The following DLG2 variants were observed in gnomAD, a reference collection of about 807,000 sequenced individuals.
DLG2 encodes discs large MAGUK scaffold protein 2.
DLG2 carries 45 observed loss-of-function variants against 132.5 expected under a neutral mutation model. That is an observed-to-expected ratio of 0.34 (90% CI 0.27 to 0.44). The LOEUF is 0.44. Among genes scored for constraint, DLG2 ranks in the 20% least tolerant of loss-of-function variants. The probability of loss-of-function intolerance (pLI) is 1.00; values close to 1 mark genes in which losing one functional copy is unlikely to be tolerated. For missense variants in DLG2, 1,045 were observed against 1,196.9 expected (o/e 0.87, Z 1.87); for synonymous variants, 424 against 419.6 (o/e 1.01, Z -0.13).
At chr11:84,074,630 G>A (rs575210998) in intron 10 of DLG2, among the ~76,000 whole-genome samples, 2 of 150,892 alleles carry the variant, frequency 1.3e-5, no homozygotes, top group African/African-American at 2.4e-5. Flanking sequence ...CCGGGTTCAC[G>A]CCATTCTCCT....
intron 7 of DLG2, among the ~76,000 whole-genome samples, chr11:84,529,621 A>C (rs2099330442): frequency 6.6e-6 from 1 of 152,220 alleles, no homozygotes; most frequent in Non-Finnish European, 1.5e-5. Flanking sequence ...GGATGACAAA[A>C]AAATTGCTCA....
chr11:84,500,163 C>A (rs374230152), intron 7 of DLG2, among the ~76,000 whole-genome samples: 1 of 151,782 alleles, frequency 6.6e-6, no homozygotes. Flanking sequence ...TATGATAGAG[C>A]GAGTTGGAAA....
At chr11:84,247,155 T>C (rs2097312695) in intron 8 of DLG2, among the ~76,000 whole-genome samples, 1 of 152,186 alleles carries the variant, frequency 6.6e-6, no homozygotes, top group South Asian at 2.1e-4. Context: ...AAAAGCATTC[T>C]AGAATCTCTC....
chr11:84,273,766 C>A (rs2097759559), intron 7 of DLG2, among the ~76,000 whole-genome samples: 1 of 152,172 alleles, frequency 6.6e-6, no homozygotes, highest in Admixed American at 6.5e-5. Context: ...TATATACATG[C>A]ATACTCACAG....
chr11:85,486,508 T>C (rs757181696), intron 3 of DLG2, among the ~76,000 whole-genome samples: 5 of 152,136 alleles, frequency 3.3e-5, no homozygotes, highest in Admixed American at 1.3e-4. Context: ...GAGCATGCCA[T>C]CCAGAAGCCT....
At chr11:84,432,658 T>A (rs1290909908) in intron 7 of DLG2, among the ~76,000 whole-genome samples, 2 of 152,170 alleles carry the variant, frequency 1.3e-5, no homozygotes, top group Non-Finnish European at 2.9e-5. Context: ...TATCCTCCAT[T>A]TTAGTTTTTG....
intron 6 of DLG2, among the ~76,000 whole-genome samples, chr11:85,060,490 T>C (rs1488939483): frequency 4.0e-5 from 6 of 151,014 alleles, no homozygotes; most frequent in Non-Finnish European, 8.9e-5. Context: ...TATATATATA[T>C]ACACGCATAT....
intron 11 of DLG2, among the ~76,000 whole-genome samples, chr11:84,004,634 C>A (rs1601093): frequency 0.16 from 24,168 of 151,668 alleles, 2,865 homozygotes; most frequent in African/African-American, 0.31. Context: ...CATTTCTGTA[C>A]AACAATAATA....
chr11:84,272,280 T>C, intron 7 of DLG2: 1 of 438,416 alleles, frequency 2.3e-6, no homozygotes, highest in South Asian at 1.6e-5. Context: ...TAACATGAAC[T>C]TCAAGGAAGA....
chr11:83,891,025 G>C (rs2069665052), intron 15 of DLG2, among the ~76,000 whole-genome samples: 1 of 152,106 alleles, frequency 6.6e-6, no homozygotes. Context: ...TATCTGATTA[G>C]TTTGAGGGAA....
chr11:85,303,668 G>A (rs1183485116), intron 3 of DLG2, among the ~76,000 whole-genome samples: 1 of 152,156 alleles, frequency 6.6e-6, no homozygotes, highest in Non-Finnish European at 1.5e-5. Flanking sequence ...GTGTATGTCT[G>A]TGTGCGTATG....
intron 4 of DLG2, among the ~76,000 whole-genome samples, chr11:85,174,740 AG>A (rs748345247): frequency 8.5e-5 from 13 of 152,176 alleles, no homozygotes; most frequent in Non-Finnish European, 1.8e-4. Context: ...AGAAGATAAG[AG>A]AGGGCAGTAA....
At chr11:83,921,145 G>A (rs1324681757) in intron 15 of DLG2, among the ~76,000 whole-genome samples, 1 of 152,124 alleles carries the variant, frequency 6.6e-6, no homozygotes, top group Non-Finnish European at 1.5e-5. Flanking sequence ...CTGGGTTGCT[G>A]TGGAGATTAA....
At chr11:84,567,009 CAT>C (rs1190001943) in intron 6 of DLG2, among the ~76,000 whole-genome samples, 3 of 152,118 alleles carry the variant, frequency 2.0e-5, no homozygotes, top group Admixed American at 6.6e-5. Context: ...TGATGAAAAA[CAT>C]AGAAAATACT....
intron 10 of DLG2, among the ~76,000 whole-genome samples, chr11:84,098,384 G>C (rs1201160208): frequency 4.6e-5 from 7 of 152,014 alleles, no homozygotes; most frequent in African/African-American, 1.4e-4. Flanking sequence ...CTTTTTTTCT[G>C]AGGGACAACT....
chr11:85,134,589 A>G (rs1385025304), intron 5 of DLG2, among the ~76,000 whole-genome samples: 1 of 149,058 alleles, frequency 6.7e-6, no homozygotes, highest in Non-Finnish European at 1.5e-5. Flanking sequence ...GGAAAAAAAT[A>G]ATATAAATAA....
intron 18 of DLG2, 35 bp downstream of exon 18, chr11:83,786,655 A>G (rs375253460): frequency 1.8e-5 from 28 of 1,530,924 alleles, no homozygotes; most frequent in Middle Eastern, 1.7e-4. Context: ...ACACAGAGAC[A>G]TATCAGAACA....
At chr11:85,021,577 A>G in intron 6 of DLG2, 1 of 1,578,640 alleles carries the variant, frequency 6.3e-7, no homozygotes. Context: ...CTTGACCACA[A>G]GAGTGTTGAG....
chr11:85,455,341 T>C (rs80263570), intron 3 of DLG2, among the ~76,000 whole-genome samples: 3,832 of 152,248 alleles, frequency 0.025, 145 homozygotes, highest in African/African-American at 0.086. Context: ...TGTTTGTATA[T>C]AGGAATGCTA....
Sources: allele counts gnomAD v4.1 joint callset (sites outside exome capture counted in the v4.1 genomes callset), GRCh38; gene constraint gnomAD v4.1.1; transcripts MANE v1.5; gene names NCBI Gene and HGNC (gene_info 2026-07-23, HGNC 2026-07-21).